KIRREL3: variants seen among roughly 807,000 people sequenced by gnomAD.
KIRREL3 encodes kin of IRRE-like protein 3.
A neutral mutation model predicts 89.7 loss-of-function variants in KIRREL3; 36 were observed. The observed-to-expected ratio is 0.40, with a 90% confidence interval of 0.31 to 0.53. The LOEUF is 0.53. Ranked by LOEUF, KIRREL3 falls within the 20% of genes least tolerant of loss-of-function variation. The probability of loss-of-function intolerance (pLI) is 0.49; values close to 1 mark genes in which losing one functional copy is unlikely to be tolerated. For synonymous variants in KIRREL3, 445 were observed against 441.4 expected, an observed-to-expected ratio of 1.01 and a Z score of -0.10; for missense variants, 864 against 1,056.6, an observed-to-expected ratio of 0.82 and a Z score of 2.53.
chr11:126,770,545 G>A (rs993568238), intron 1 of KIRREL3, among the ~76,000 whole-genome samples: 1 of 152,206 alleles, frequency 6.6e-6, no homozygotes, highest in Non-Finnish European at 1.5e-5. Context: ...TTGTAAAACG[G>A]AAGGCGAAGC....
chr11:126,497,159 AGT>A (rs1267871343), intron 4 of KIRREL3, among the ~76,000 whole-genome samples: 4 of 151,152 alleles, frequency 2.6e-5, no homozygotes, highest in Admixed American at 2.6e-4. Flanking sequence ...AGAGTGTGAG[AGT>A]GTGCATGTGT....
chr11:126,547,710 G>C (rs1269412661), intron 2 of KIRREL3, among the ~76,000 whole-genome samples: 1 of 152,212 alleles, frequency 6.6e-6, no homozygotes, highest in Non-Finnish European at 1.5e-5. Context: ...TGGGGGGTCT[G>C]TGGTCAGTGA....
chr11:126,923,187 CTCTTCTTCTTCTTCTTCT>C (rs1209221075), intron 1 of KIRREL3, among the ~76,000 whole-genome samples: 21 of 23,832 alleles, frequency 8.8e-4, no homozygotes, highest in East Asian at 2.6e-3. Context: ...TCTTCTTCTT[CTCTTCTTCTTCTTCTTCT>C]TCTTCTTCTT....
intron 4 of KIRREL3, among the ~76,000 whole-genome samples, chr11:126,517,414 T>C (rs954845159): frequency 6.6e-6 from 1 of 152,026 alleles, no homozygotes; most frequent in Non-Finnish European, 1.5e-5. Context: ...TCTCTGCACA[T>C]GTGCATGGGG....
intron 1 of KIRREL3, among the ~76,000 whole-genome samples, chr11:126,646,473 A>AT (rs71279461): frequency 0.34 from 43,164 of 127,218 alleles, 8,066 homozygotes; most frequent in East Asian, 0.57. Context: ...TGCCCCAAGT[A>AT]TTTTTTTTTT....
chr11:126,645,330 C>T lies in KIRREL3; in HGVS notation c.56-82418G>A, dbSNP rs568807167. 8.5e-4 allele frequency among the ~76,000 whole-genome samples: 129 copies of T among 152,252 alleles called. No homozygotes were observed. The highest frequency in any genetic ancestry group is 3.0e-3 in the African/African-American group (126 of 41,548). ...CGTCTTCATGTGTGGTCCTCAAATCCTGAATACTTCTCTCCCAGAGCATTT... is the reference window on the plus strand; with the variant it reads ...CGTCTTCATGTGTGGTCCTCAAATCTTGAATACTTCTCTCCCAGAGCATTT... On this transcript the variant is annotated intron_variant, in intron 1 of 16. Coordinates refer to ENST00000525144, the MANE Select transcript of KIRREL3 (RefSeq NM_032531.4). The surrounding 1 kb of genome is among the most constrained non-coding windows in gnomAD (Gnocchi z 4.9).
At chr11:126,510,125 C>T (rs1351883367) in intron 4 of KIRREL3, among the ~76,000 whole-genome samples, 3 of 151,798 alleles carry the variant, frequency 2.0e-5, no homozygotes, top group African/African-American at 7.3e-5. Flanking sequence ...GCAGAGCCTG[C>T]AACAAACTGC....
At chr11:126,838,214 T>C (rs1943844683) in intron 1 of KIRREL3, among the ~76,000 whole-genome samples, 1 of 152,226 alleles carries the variant, frequency 6.6e-6, no homozygotes, top group Non-Finnish European at 1.5e-5. Flanking sequence ...GAACGACCCA[T>C]CCTGTCATCA....
rs560457368 is a variant in KIRREL3, at chr11:126,912,095, C to T, written c.55+88360G>A. ...ATACTCATGGAGAGCCCCAAATCGT[C>T]CTTCAGACCCCTGGCAGTCTGGAAG... On this transcript the variant is annotated intron_variant, in intron 1 of 16. Coordinates refer to ENST00000525144, the MANE Select transcript of KIRREL3 (RefSeq NM_032531.4). This position sits in a 1 kb window ranked among gnomAD's most constrained non-coding sequence, Gnocchi z 4.7. 1.3e-4 allele frequency among the ~76,000 whole-genome samples: 20 copies of T among 152,182 alleles called. No homozygotes were observed. The highest frequency in any genetic ancestry group is 4.6e-4 in the African/African-American group (19 of 41,534).
chr11:126,980,262 T>G (rs112247583), intron 1 of KIRREL3, among the ~76,000 whole-genome samples: 2,268 of 152,266 alleles, frequency 0.015, 49 homozygotes, highest in African/African-American at 0.051. Flanking sequence ...TGGTGGAAGC[T>G]TGAAGAGCAA....
In KIRREL3 at chr11:126,772,404, CG is replaced by C. The variant is rs1275225406; in HGVS notation, c.56-209493del. ...CCAGGCTCAGCGGCACCACGTGGTG[CG>C]GGGATGGCTTATAATTTGAGGGAGA... On this transcript the variant is annotated intron_variant, in intron 1 of 16. Coordinates refer to ENST00000525144, the MANE Select transcript of KIRREL3 (RefSeq NM_032531.4). The surrounding 1 kb of genome is among the most constrained non-coding windows in gnomAD (Gnocchi z 4.6). Among the ~76,000 whole-genome samples the C allele has an allele frequency of 6.6e-6, 1 of 151,952 alleles. No homozygotes were observed. Among genetic ancestry groups the C allele is most frequent in the East Asian group, 1.9e-4 (1 of 5,184 alleles).
chr11:126,538,356 G>A (rs1938084354), intron 2 of KIRREL3, among the ~76,000 whole-genome samples: 1 of 152,182 alleles, frequency 6.6e-6, no homozygotes, highest in South Asian at 2.1e-4. Context: ...ATGAGATTAA[G>A]GGAAGCTGCC....
At chr11:126,923,204 CT>C (rs1414057235) in intron 1 of KIRREL3, among the ~76,000 whole-genome samples, 978 of 10,876 alleles carry the variant, frequency 0.09, 222 homozygotes, top group African/African-American at 0.22. Flanking sequence ...TCTTCTTCTT[CT>C]TCTTCTTCTT....
intron 1 of KIRREL3, among the ~76,000 whole-genome samples, chr11:126,927,421 C>G (rs1436848116): frequency 1.3e-5 from 2 of 152,216 alleles, no homozygotes; most frequent in Non-Finnish European, 2.9e-5. Context: ...TTCAACTTTG[C>G]AATGCTAGGA....
rs1271643753 is a variant in KIRREL3, at chr11:126,812,047, T to C, written c.55+188408A>G. 6.6e-6 allele frequency among the ~76,000 whole-genome samples: 1 copy of C among 152,188 alleles called. No individual in the cohort carries two copies. The highest frequency in any genetic ancestry group is 1.5e-5 in the Non-Finnish European group (1 of 68,030). ...AAATATGAGCAGGTTAAGGCACTTT[T>C]CGGGATTAGAGAATCTTCAAACTCA... On this transcript the variant is annotated intron_variant, in intron 1 of 16. Transcript: ENST00000525144. The surrounding 1 kb of genome is among the most constrained non-coding windows in gnomAD (Gnocchi z 5.2).
intron 1 of KIRREL3, among the ~76,000 whole-genome samples, chr11:126,926,631 C>T (rs2135027794): frequency 6.6e-6 from 1 of 152,276 alleles, no homozygotes; most frequent in South Asian, 2.1e-4. Flanking sequence ...AGAGCTCTGC[C>T]TGGAAGTGTG....
intron 4 of KIRREL3, among the ~76,000 whole-genome samples, chr11:126,504,317 A>G (rs1422881036): frequency 1.3e-5 from 2 of 152,020 alleles, no homozygotes. Flanking sequence ...TCTCTTCTCA[A>G]CCTAGCAGCC....
chr11:126,503,827 C>T (rs1957938843), intron 4 of KIRREL3, among the ~76,000 whole-genome samples: 3 of 151,542 alleles, frequency 2.0e-5, no homozygotes, highest in African/African-American at 7.3e-5. Context: ...TTCCTTCCTT[C>T]CCTCTCTCTC....
At chr11:126,958,462 C>T (rs1322310171) in intron 1 of KIRREL3, among the ~76,000 whole-genome samples, 3 of 152,246 alleles carry the variant, frequency 2.0e-5, no homozygotes, top group Non-Finnish European at 4.4e-5. Context: ...ATTCAAGATC[C>T]TGAGACTGGC....
Sources: allele counts gnomAD v4.1 joint callset (sites outside exome capture counted in the v4.1 genomes callset), GRCh38; gene constraint gnomAD v4.1.1; non-coding constraint Gnocchi (gnomAD v3.1); transcripts MANE v1.5; gene names NCBI Gene and HGNC (gene_info 2026-07-23, HGNC 2026-07-21).